The following MDGA2 variants were observed in gnomAD, a reference collection of about 807,000 sequenced individuals.
MDGA2 encodes the protein MAM domain containing glycosylphosphatidylinositol anchor 2, also known as MAM domain-containing glycosylphosphatidylinositol anchor protein 2.
A neutral mutation model predicts 117.8 loss-of-function variants in MDGA2; 40 were observed. The observed-to-expected ratio is 0.34, with a 90% CI of 0.26 to 0.44. MDGA2 has a LOEUF of 0.44. Among genes scored for constraint, MDGA2 ranks in the 20% least tolerant of loss-of-function variants. MDGA2 has a pLI of 1.00. For missense variants in MDGA2, 1,123 were observed against 1,250.6 expected (o/e 0.90, Z 1.54); for synonymous variants, 452 against 439.0 (o/e 1.03, Z -0.37).
chr14:47,106,093 T>C (rs1880656077), intron 5 of MDGA2, among the ~76,000 whole-genome samples: 1 of 152,212 alleles, frequency 6.6e-6, no homozygotes, highest in South Asian at 2.1e-4. Flanking sequence ...CGTTTAGGCT[T>C]TTTTTCATCA....
At chr14:47,649,489 C>A (rs1405533200) in intron 1 of MDGA2, among the ~76,000 whole-genome samples, 1 of 152,098 alleles carries the variant, frequency 6.6e-6, no homozygotes, top group Non-Finnish European at 1.5e-5. Flanking sequence ...GCCTGGGAGA[C>A]CAGCCTGGCC....
At chr14:47,415,348 T>C (rs961582553) in intron 1 of MDGA2, among the ~76,000 whole-genome samples, 12 of 152,158 alleles carry the variant, frequency 7.9e-5, no homozygotes, top group Non-Finnish European at 1.8e-4. Flanking sequence ...AAATATGTTT[T>C]ACATATACTT....
chr14:47,120,269 G>A (rs1881580850), intron 5 of MDGA2, among the ~76,000 whole-genome samples: 1 of 152,096 alleles, frequency 6.6e-6, no homozygotes, highest in African/African-American at 2.4e-5. Flanking sequence ...TGAAACCAAG[G>A]CAATAGGTCC....
chr14:46,934,525 C>T (rs138173496), intron 9 of MDGA2, among the ~76,000 whole-genome samples: 152 of 152,162 alleles, frequency 1.0e-3, no homozygotes, highest in Middle Eastern at 3.4e-3. Context: ...TGAACTGACA[C>T]GTACTACTGT....
intron 2 of MDGA2, among the ~76,000 whole-genome samples, chr14:47,246,946 T>A (rs953521521): frequency 6.6e-6 from 1 of 151,916 alleles, no homozygotes; most frequent in East Asian, 1.9e-4. Context: ...ATCTATCCGA[T>A]GCCTATGGCC....
Position 46,877,413 on chromosome 14 carries a change from T to A in MDGA2, c.2437+76A>T, listed in dbSNP as rs1384353093. On this transcript the variant is annotated intron_variant, in intron 12 of 16. Transcript: ENST00000399232. ...CCAACTAAGAATAGTTACTAAACAATTTTTGTATATTTATAAACATTATAT... is the reference window on the plus strand; with the variant it reads ...CCAACTAAGAATAGTTACTAAACAAATTTTGTATATTTATAAACATTATAT... The A allele has an allele frequency of 4.8e-6, 4 of 838,508 alleles. No homozygotes were observed. In the East Asian group the frequency reaches 1.1e-4, roughly 24 times the overall value. 51.9% of individuals were successfully genotyped at this position (838,508 alleles called of 1,614,324 possible).
intron 2 of MDGA2, among the ~76,000 whole-genome samples, chr14:47,220,745 G>A (rs556391873): frequency 2.6e-5 from 4 of 152,236 alleles, no homozygotes; most frequent in African/African-American, 7.2e-5. Flanking sequence ...GTGGTATGGA[G>A]GTCAGTTTGT....
At chr14:47,361,593 C>G (rs1159637657) in intron 1 of MDGA2, among the ~76,000 whole-genome samples, 1 of 152,024 alleles carries the variant, frequency 6.6e-6, no homozygotes, top group Non-Finnish European at 1.5e-5. Flanking sequence ...CTCTGCTTCT[C>G]CCCTATGCCT....
At chr14:47,307,219 A>T (rs998946421) in intron 1 of MDGA2, among the ~76,000 whole-genome samples, 1 of 152,124 alleles carries the variant, frequency 6.6e-6, no homozygotes, top group Non-Finnish European at 1.5e-5. Flanking sequence ...CTGGTTTAAT[A>T]TATTACATGA....
At chr14:47,619,428 A>G (rs1260311659) in intron 1 of MDGA2, among the ~76,000 whole-genome samples, 7 of 152,160 alleles carry the variant, frequency 4.6e-5, no homozygotes, top group African/African-American at 1.4e-4. Context: ...GTACATTAAA[A>G]CTAATACTAA....
At chr14:46,949,382 T>A (rs553873365) in intron 9 of MDGA2, among the ~76,000 whole-genome samples, 1 of 152,106 alleles carries the variant, frequency 6.6e-6, no homozygotes, top group Non-Finnish European at 1.5e-5. Context: ...TTTTGGGGCA[T>A]ATGTGTAGTT....
chr14:47,176,841 A>AACT (rs1166902559), intron 3 of MDGA2, among the ~76,000 whole-genome samples: 1 of 152,210 alleles, frequency 6.6e-6, no homozygotes, highest in Non-Finnish European at 1.5e-5. Flanking sequence ...CAGCAAAAGA[A>AACT]ACTACCATCA....
Position 47,301,392 on chromosome 14 carries a change from G to GGGTC in MDGA2, c.420+18_420+19insGACC. 1 of 1,550,528 alleles carries GGGTC rather than the reference G, an allele frequency of 6.4e-7. No homozygotes were observed. ...AAAGTCAGAGAATGTTTTCTCCAGTGTCACAGTTCGGGACTCACCTGTGGA... is the reference window on the plus strand; with the variant it reads ...AAAGTCAGAGAATGTTTTCTCCAGTGGGTCTCACAGTTCGGGACTCACCTGTGGA... On this transcript the variant is annotated intron_variant, in intron 2 of 16. Coordinates refer to ENST00000399232, the MANE Select transcript of MDGA2 (RefSeq NM_001113498.3).
intron 1 of MDGA2, among the ~76,000 whole-genome samples, chr14:47,580,618 C>A (rs2138839477): frequency 6.6e-6 from 1 of 151,956 alleles, no homozygotes; most frequent in African/African-American, 2.4e-5. Flanking sequence ...TGCCAGTAAT[C>A]TCTGAAAAGA....
chr14:47,100,436 T>A (rs760647108), intron 5 of MDGA2, among the ~76,000 whole-genome samples: 1 of 152,144 alleles, frequency 6.6e-6, no homozygotes, highest in Non-Finnish European at 1.5e-5. Flanking sequence ...CATGTGTTAA[T>A]TGAATTATCT....
rs144911362 is a variant in MDGA2 at position 47,122,336 on chromosome 14, T to C, written c.925+9378A>G. On this transcript the variant is annotated intron_variant, in intron 5 of 16. Transcript: ENST00000399232. ...GCTCCATATGCACCAACATTAATAATTGACATTAAGACTTGAATCTTACAT... is the reference window on the plus strand; with the variant it reads ...GCTCCATATGCACCAACATTAATAACTGACATTAAGACTTGAATCTTACAT... Among the ~76,000 whole-genome samples, 4 of 152,142 alleles carry C rather than the reference T, an allele frequency of 2.6e-5. No individual in the cohort carries two copies. The East Asian group carries it at 5.8e-4, about 22-fold the overall frequency.
At chr14:47,267,279 GA>G (rs36118626) in intron 2 of MDGA2, among the ~76,000 whole-genome samples, 27,342 of 151,074 alleles carry the variant, frequency 0.18, 3,203 homozygotes, top group Admixed American at 0.37. Context: ...TATTCTAAGT[GA>G]AAAAAAACAG....
At chr14:47,601,631 A>G (rs1298254723) in intron 1 of MDGA2, among the ~76,000 whole-genome samples, 1 of 152,186 alleles carries the variant, frequency 6.6e-6, no homozygotes, top group Non-Finnish European at 1.5e-5. Context: ...AAGAAAGACA[A>G]TAGCATGTCA....
intron 3 of MDGA2, among the ~76,000 whole-genome samples, chr14:47,195,305 T>C (rs1430417030): frequency 1.3e-5 from 2 of 152,034 alleles, no homozygotes; most frequent in Non-Finnish European, 1.5e-5. Context: ...ATTAATAATA[T>C]TGCTAATCTA....
Sources: gnomAD v4.1 joint callset for allele counts (sites outside exome capture counted in the v4.1 genomes callset) on GRCh38, gnomAD v4.1.1 for gene constraint, MANE v1.5 for transcripts, NCBI Gene and HGNC (gene_info 2026-07-23, HGNC 2026-07-21) for gene names.